RBFOX3: variants seen among roughly 807,000 people sequenced by gnomAD.
RBFOX3 encodes RNA binding protein fox-1 homolog 3.
A neutral mutation model predicts 48.7 loss-of-function variants in RBFOX3; 17 were observed. That is an observed-to-expected ratio of 0.35 (90% confidence interval 0.24 to 0.52). RBFOX3 has a LOEUF of 0.52. Ranked by LOEUF, RBFOX3 falls within the 20% of genes least tolerant of loss-of-function variation. The probability of loss-of-function intolerance (pLI) is 0.94; values close to 1 mark genes in which losing one functional copy is unlikely to be tolerated. For missense variants in RBFOX3, 382 were observed against 497.5 expected (o/e 0.77, Z 2.21); for synonymous variants, 212 against 209.5 (o/e 1.01, Z -0.10).
intron 1 of RBFOX3, among the ~76,000 whole-genome samples, chr17:79,609,570 G>A (rs987638172): frequency 2.6e-5 from 4 of 152,306 alleles, no homozygotes; most frequent in Admixed American, 2.6e-4. Flanking sequence ...GGAACGGAAA[G>A]GGGAGGGGGA....
intron 4 of RBFOX3, among the ~76,000 whole-genome samples, chr17:79,143,523 C>A (rs142697170): frequency 6.6e-6 from 1 of 152,198 alleles, no homozygotes; most frequent in East Asian, 1.9e-4. Context: ...CTCCCAGGCT[C>A]GCCACTACCC....
At chr17:79,091,951 G>A (rs2073999760) in intron 14 of RBFOX3, 29 of 985,142 alleles carry the variant, frequency 2.9e-5, no homozygotes, top group African/African-American at 3.5e-5. Context: ...AAGAAATATC[G>A]TCAATAAAAT....
At chr17:79,211,228 G>A (rs2058339847) in intron 4 of RBFOX3, among the ~76,000 whole-genome samples, 1 of 152,228 alleles carries the variant, frequency 6.6e-6, no homozygotes, top group African/African-American at 2.4e-5. Context: ...GGTCTGGTGG[G>A]TGGCTGTGGC....
At chr17:79,406,028 GC>G (rs2063491748) in intron 2 of RBFOX3, among the ~76,000 whole-genome samples, 1 of 152,148 alleles carries the variant, frequency 6.6e-6, no homozygotes, top group Non-Finnish European at 1.5e-5. Flanking sequence ...TTGGCCCCTT[GC>G]CCCTTTTCAT....
chr17:79,094,677 G>A (rs952516396), intron 13 of RBFOX3, 148 bp from the exon 14 acceptor site: 2 of 502,244 alleles, frequency 4.0e-6, no homozygotes, highest in South Asian at 6.6e-5. Flanking sequence ...CTCCTGCAAG[G>A]CCTGCAAGGC....
At chr17:79,611,130 T>TCTCTCTCTCTCTCTCTCTCTC (rs1491548376), upstream of RBFOX3, among the ~76,000 whole-genome samples, 834 of 37,800 alleles carry the variant, frequency 0.022, 371 homozygotes, top group East Asian at 0.048. Context: ...TCCGCCCTCC[T>TCTCTCTCTCTCTCTCTCTCTC]TCTCTCTCTC....
intron 3 of RBFOX3, among the ~76,000 whole-genome samples, chr17:79,303,945 A>T (rs960947676): frequency 5.3e-5 from 8 of 152,188 alleles, no homozygotes; most frequent in Middle Eastern, 3.4e-3. Context: ...GGGAAGGAAC[A>T]TGAAGCCAGA....
intron 1 of RBFOX3, among the ~76,000 whole-genome samples, chr17:79,546,667 C>CTTTT (rs1555792021): frequency 8.3e-6 from 1 of 120,384 alleles, no homozygotes; most frequent in African/African-American, 3.9e-5. Flanking sequence ...CTTCCTCATT[C>CTTTT]TATTTTTTTT....
chr17:79,154,050 T>C (rs1185188116), intron 4 of RBFOX3, among the ~76,000 whole-genome samples: 1 of 152,080 alleles, frequency 6.6e-6, no homozygotes, highest in Non-Finnish European at 1.5e-5. Context: ...CTCTAATGAT[T>C]TCCCTTCACT....
At chr17:79,291,537 G>A (rs1357007200) in intron 3 of RBFOX3, among the ~76,000 whole-genome samples, 1 of 152,188 alleles carries the variant, frequency 6.6e-6, no homozygotes, top group African/African-American at 2.4e-5. Context: ...GAAGAATGGG[G>A]CTGAGGGCAC....
chr17:79,295,432 C>T (rs76547377), intron 3 of RBFOX3, among the ~76,000 whole-genome samples: 3,877 of 152,176 alleles, frequency 0.025, 84 homozygotes, highest in East Asian at 0.066. Flanking sequence ...GGGAGGGATG[C>T]CTGCCGCCTT....
the RBFOX3 span, among the ~76,000 whole-genome samples, chr17:79,624,565 T>C: frequency 5.5e-4 from 83 of 152,240 alleles, no homozygotes; most frequent in African/African-American, 1.5e-3. Flanking sequence ...AAGTCCGAAC[T>C]AAATCCAGAG....
At chr17:79,211,519 G>A (rs1335054499) in intron 4 of RBFOX3, among the ~76,000 whole-genome samples, 1 of 152,228 alleles carries the variant, frequency 6.6e-6, no homozygotes, top group African/African-American at 2.4e-5. Flanking sequence ...GCTCCAGGTG[G>A]ACGCTGGCGT....
At chr17:79,356,117 T>G (rs745823601) in intron 2 of RBFOX3, among the ~76,000 whole-genome samples, 2 of 152,202 alleles carry the variant, frequency 1.3e-5, no homozygotes, top group Non-Finnish European at 2.9e-5. Flanking sequence ...TAAGCTCAAG[T>G]GTTCTTGGCT....
At chr17:79,268,345 C>T (rs2067087277) in intron 3 of RBFOX3, among the ~76,000 whole-genome samples, 1 of 152,152 alleles carries the variant, frequency 6.6e-6, no homozygotes, top group Non-Finnish European at 1.5e-5. Flanking sequence ...AAAGTTCTCC[C>T]CTGGGCATGA....
intron 1 of RBFOX3, among the ~76,000 whole-genome samples, chr17:79,546,491 G>A (rs1194180562): frequency 2.0e-5 from 3 of 151,962 alleles, no homozygotes; most frequent in Non-Finnish European, 2.9e-5. Flanking sequence ...AGGGTTGATC[G>A]ATGGCTTGTC....
chr17:79,250,295 T>G (rs2063747725), intron 3 of RBFOX3, among the ~76,000 whole-genome samples: 1 of 152,216 alleles, frequency 6.6e-6, no homozygotes, highest in Non-Finnish European at 1.5e-5. Flanking sequence ...AGATTGTGCC[T>G]GTATCGACAG....
chr17:79,199,005 T>C lies in RBFOX3; in HGVS notation c.-34+36761A>G, dbSNP rs373979849. ...TTGTCTCCTGCAAAGATGCTGAGTT[T>C]GTGAGGCTGAACATTGCCTGTAACT... On this transcript the variant is annotated intron_variant, in intron 4 of 14. Coordinates refer to ENST00000693108, the MANE Select transcript of RBFOX3 (RefSeq NM_001350451.2). This position sits in a 1 kb window ranked among gnomAD's most constrained non-coding sequence, Gnocchi z 5.1. 8.5e-5 allele frequency among the ~76,000 whole-genome samples: 13 copies of C among 152,344 alleles called. No homozygotes were observed. The highest frequency in any genetic ancestry group is 5.2e-4 in the Admixed American group (8 of 15,304).
At chr17:79,590,237 T>C (rs2093378544) in intron 1 of RBFOX3, among the ~76,000 whole-genome samples, 2 of 152,060 alleles carry the variant, frequency 1.3e-5, no homozygotes, top group South Asian at 4.1e-4. Flanking sequence ...CGCGCCAAGA[T>C]AGCACGCGGT....
Sources: gnomAD v4.1 joint callset for allele counts (sites outside exome capture counted in the v4.1 genomes callset) on GRCh38, gnomAD v4.1.1 for gene constraint, Gnocchi (gnomAD v3.1) non-coding constraint, MANE v1.5 for transcripts, NCBI Gene and HGNC (gene_info 2026-07-23, HGNC 2026-07-21) for gene names.